Variants in CPXM2 observed in about 807,000 individuals in gnomAD.
CPXM2 encodes carboxypeptidase X, M14 family member 2.
In CPXM2, 66 loss-of-function variants were observed where a neutral mutation model predicts 86.1. The observed-to-expected ratio is 0.77, with a 90% confidence interval of 0.63 to 0.94. The LOEUF is 0.94. Among genes scored for constraint, CPXM2 ranks in the 40% least tolerant of loss-of-function variants. The pLI is 0.00. For missense variants in CPXM2, 948 were observed against 1,026.3 expected (o/e 0.92, Z 1.04); for synonymous variants, 388 against 400.2 (o/e 0.97, Z 0.36).
intron 2 of CPXM2, among the ~76,000 whole-genome samples, chr10:123,903,150 C>T (rs1945399986): frequency 1.3e-5 from 2 of 152,242 alleles, no homozygotes; most frequent in African/African-American, 2.4e-5. Context: ...TTTCCCAGCC[C>T]TCATGACCTT....
intron 6 of CPXM2, among the ~76,000 whole-genome samples, chr10:123,785,614 G>A (rs973443256): frequency 1.3e-5 from 2 of 151,636 alleles, no homozygotes; most frequent in African/African-American, 2.4e-5. Context: ...TTAATCATGT[G>A]GCTTAAATCA....
chr10:123,815,921 G>C (rs935328385), intron 4 of CPXM2, among the ~76,000 whole-genome samples: 3 of 152,196 alleles, frequency 2.0e-5, no homozygotes, highest in Non-Finnish European at 4.4e-5. Flanking sequence ...TGAATTTATT[G>C]ATTTGGGCCA....
intron 2 of CPXM2, among the ~76,000 whole-genome samples, chr10:123,909,017 A>G (rs1482938336): frequency 1.3e-5 from 2 of 152,256 alleles, no homozygotes; most frequent in Non-Finnish European, 2.9e-5. Context: ...ATTTAAGTGA[A>G]TACTTTGTAA....
intron 4 of CPXM2, among the ~76,000 whole-genome samples, chr10:123,835,735 C>T (rs917797812): frequency 1.3e-5 from 2 of 152,226 alleles, no homozygotes; most frequent in African/African-American, 4.8e-5. Context: ...GCTGGCCTCA[C>T]TTTGCATTCT....
chr10:123,763,564 G>C (rs1358398857), intron 10 of CPXM2, among the ~76,000 whole-genome samples: 1 of 150,626 alleles, frequency 6.6e-6, no homozygotes, highest in East Asian at 1.9e-4. Context: ...AAAAAGGCGG[G>C]GGCAGAGGGG....
chr10:123,861,599 T>TCA (rs1466722609), intron 3 of CPXM2, among the ~76,000 whole-genome samples: 2 of 151,854 alleles, frequency 1.3e-5, no homozygotes, highest in East Asian at 3.9e-4. Context: ...TCAAGGATCC[T>TCA]CAAAAGGGGA....
intron 6 of CPXM2, among the ~76,000 whole-genome samples, chr10:123,795,409 G>T (rs141857594): frequency 3.9e-5 from 6 of 152,268 alleles, no homozygotes; most frequent in Admixed American, 3.3e-4. Context: ...AAGATAGTGA[G>T]GGAAGAAGGG....
At chr10:123,782,624 A>C (rs1020653897) in intron 6 of CPXM2, among the ~76,000 whole-genome samples, 5 of 152,178 alleles carry the variant, frequency 3.3e-5, no homozygotes, top group African/African-American at 1.2e-4. Context: ...CCCAGCACTT[A>C]GGTAAGAAAT....
At position 123,797,136 on chromosome 10, in the gene CPXM2, T is replaced by C. The variant is rs79370809; in HGVS notation, c.889+840A>G. Among the ~76,000 whole-genome samples the C allele has an allele frequency of 6.6e-4, 100 of 152,364 alleles. No homozygotes were observed. In the East Asian group the frequency reaches 0.019, roughly 29 times the overall value. The stretch of plus-strand genomic sequence containing the variant: ...CCCTTTCTTCAAGCCACCCCGAGGT[T>C]ACCCCCAAATATCTCATGTGAAAAT... On this transcript the variant is annotated intron_variant, in intron 6 of 13. Coordinates refer to ENST00000241305, the MANE Select transcript of CPXM2 (RefSeq NM_198148.3).
intron 3 of CPXM2, among the ~76,000 whole-genome samples, chr10:123,849,437 C>CTTTTT (rs11317738): frequency 2.7e-5 from 3 of 110,170 alleles, no homozygotes; most frequent in Non-Finnish European, 5.3e-5. Flanking sequence ...AACGTTCACT[C>CTTTTT]TTTTTTTTTT....
chr10:123,915,870 C>T (rs1035488420), intron 2 of CPXM2, among the ~76,000 whole-genome samples: 1 of 152,170 alleles, frequency 6.6e-6, no homozygotes, highest in Non-Finnish European at 1.5e-5. Context: ...CCCACTCCAG[C>T]CCTGGAGTTC....
At chr10:123,895,869 T>G (rs1034270661), upstream of CPXM2, among the ~76,000 whole-genome samples, 2 of 152,230 alleles carry the variant, frequency 1.3e-5, no homozygotes, top group Non-Finnish European at 2.9e-5. Context: ...AACCATTGTT[T>G]GCCTCAATTG....
intron 4 of CPXM2, among the ~76,000 whole-genome samples, chr10:123,799,534 C>T (rs7894192): frequency 0.13 from 19,266 of 152,230 alleles, 1,801 homozygotes; most frequent in African/African-American, 0.28. Flanking sequence ...CAAATGTGTA[C>T]GTAACTGTTT....
intron 2 of CPXM2, among the ~76,000 whole-genome samples, chr10:123,877,045 T>C (rs1261267127): frequency 6.6e-6 from 1 of 152,156 alleles, no homozygotes; most frequent in African/African-American, 2.4e-5. Flanking sequence ...AGAGAGAACA[T>C]GTGAGCAGAG....
chr10:123,783,506 C>G (rs1846982021), intron 6 of CPXM2, among the ~76,000 whole-genome samples: 1 of 152,236 alleles, frequency 6.6e-6, no homozygotes, highest in Non-Finnish European at 1.5e-5. Context: ...GATGACTTTT[C>G]TCACAGAGCT....
intron 7 of CPXM2, among the ~76,000 whole-genome samples, chr10:123,779,648 T>C (rs974340143): frequency 6.6e-6 from 1 of 152,162 alleles, no homozygotes; most frequent in Non-Finnish European, 1.5e-5. Flanking sequence ...CAACCAAGAT[T>C]GAAACTCTGA....
intron 2 of CPXM2, among the ~76,000 whole-genome samples, chr10:123,864,165 T>C (rs1848925570): frequency 6.6e-6 from 1 of 152,072 alleles, no homozygotes; most frequent in Non-Finnish European, 1.5e-5. Context: ...TCACCTGGTC[T>C]CAGCCTATCC....
chr10:123,891,731 C>G lies in CPXM2; in HGVS notation c.-72G>C, dbSNP rs2134251413. 8.3e-7 allele frequency: 1 copy of G among 1,209,030 alleles called. No individual in the cohort carries two copies. The highest frequency in any genetic ancestry group is 1.1e-6 in the Non-Finnish European group (1 of 945,170). 74.9% of individuals were successfully genotyped at this position (1,209,030 alleles called of 1,614,324 possible). On this transcript the variant is annotated 5_prime_UTR_variant, in exon 1 of 14. Transcript: ENST00000241305. The surrounding 1 kb of genome is among the most constrained non-coding windows in gnomAD (Gnocchi z 5.6). ...GCCGGGCGGGCTGCGGGCGCAGAAGCTGGCGCGGGGCAAGGGCGCAGGGCA... is the reference window on the plus strand; with the variant it reads ...GCCGGGCGGGCTGCGGGCGCAGAAGGTGGCGCGGGGCAAGGGCGCAGGGCA...
At chr10:123,755,258 T>C (rs116013350) in intron 12 of CPXM2, among the ~76,000 whole-genome samples, 2,935 of 152,282 alleles carry the variant, frequency 0.019, 78 homozygotes, top group African/African-American at 0.067. Flanking sequence ...GATGAGCTTG[T>C]CCTGCAGGGA....
Sources: allele counts gnomAD v4.1 joint callset (sites outside exome capture counted in the v4.1 genomes callset), GRCh38; gene constraint gnomAD v4.1.1; non-coding constraint Gnocchi (gnomAD v3.1); transcripts MANE v1.5; gene names NCBI Gene and HGNC (gene_info 2026-07-23, HGNC 2026-07-21).